Variants in GSDMB observed in about 807,000 individuals in gnomAD.
The protein encoded by GSDMB is gasdermin B.
GSDMB carries 32 observed loss-of-function variants against 42.9 expected under a neutral mutation model. The observed-to-expected ratio is 0.75, with a 90% confidence interval of 0.56 to 1.00. The LOEUF (loss-of-function observed/expected upper bound fraction) is 1.00. Ranked by LOEUF, GSDMB falls within the 50% of genes least tolerant of loss-of-function variation. The probability of loss-of-function intolerance (pLI) is 0.00; values close to 1 mark genes in which losing one functional copy is unlikely to be tolerated. For missense variants in GSDMB, 468 were observed against 498.5 expected (o/e 0.94, Z 0.58); for synonymous variants, 175 against 193.7 (o/e 0.90, Z 0.80).
chr17:39,906,620 G>A, intron 7 of GSDMB: 1 of 1,305,734 alleles, frequency 7.7e-7, no homozygotes, highest in Non-Finnish European at 9.7e-7. Flanking sequence ...GAAAGTTAAA[G>A]CAGTGGTTCT....
rs777921039 is a variant in GSDMB at position 39,905,832 on chromosome 17, G to A, written c.1027+15C>T. The A allele has an allele frequency of 4.3e-6, 7 of 1,612,572 alleles. No individual in the cohort carries two copies. Among genetic ancestry groups the A allele is most frequent in the South Asian group, 1.1e-5 (1 of 91,008 alleles). On this transcript the variant is annotated intron_variant, in intron 9 of 10. Transcript: ENST00000418519. ...CACTTCCTCCACCCCAGCCTACAGC[G>A]AGACCCTTCCTCACCTAGCAGGGCA...
Position 39,907,106 on chromosome 17 carries a change from A to C in GSDMB, c.701-119T>G. On this transcript the variant is annotated intron_variant, in intron 6 of 10. Transcript: ENST00000418519. ...AATCTGAGCCCTCACTGCTGGTGCC[A>C]GGGAGCCTGCATCCTCACCAGCGTG... is the stretch of plus-strand genomic sequence containing the variant. The C allele has an allele frequency of 3.2e-6, 5 of 1,543,198 alleles. No homozygotes were observed. In the South Asian group the frequency reaches 6.1e-5, roughly 19 times the overall value.
At chr17:39,905,703 T>C in intron 9 of GSDMB, 144 bp downstream of exon 9, 1 of 1,018,490 alleles carries the variant, frequency 9.8e-7, no homozygotes, top group Non-Finnish European at 1.5e-6. Context: ...AGCCCCTCAA[T>C]GCCTGGCCTG....
intron 3 of GSDMB, among the ~76,000 whole-genome samples, chr17:39,911,335 A>C (rs1215987103): frequency 6.6e-6 from 1 of 151,440 alleles, no homozygotes; most frequent in African/African-American, 2.4e-5. Flanking sequence ...AAAAAAAAAA[A>C]AGGAAAAGGA....
Position 39,904,741 on chromosome 17 carries a change from T to A in GSDMB, c.*71A>T. ...GGTCCCACTGGTGACAGGATGGTAG[T>A]GGCGATGGCAGTGAGGACAGACTGG... On this transcript the variant is annotated 3_prime_UTR_variant, in exon 11 of 11. Coordinates refer to ENST00000418519, the MANE Select transcript of GSDMB (RefSeq NM_001165958.2). 2.4e-6 allele frequency: 3 copies of A among 1,268,178 alleles called. No individual in the cohort carries two copies. The highest frequency in any genetic ancestry group is 3.4e-6 in the Non-Finnish European group (3 of 886,816). The allele number at this position is 1,268,178 out of a possible 1,614,324, so 78.6% of individuals were successfully genotyped here.
intron 10 of GSDMB, 62 bp downstream of exon 10, chr17:39,905,364 C>A: frequency 1.7e-6 from 2 of 1,147,488 alleles, no homozygotes; most frequent in South Asian, 2.6e-5. Context: ...ACTTCTGGGT[C>A]CCTTGAGAAT....
chr17:39,906,600 A>G, intron 7 of GSDMB: 1 of 1,306,794 alleles, frequency 7.7e-7, no homozygotes, highest in East Asian at 3.1e-5. Flanking sequence ...AGAAGTAATT[A>G]GGATTTGGAG....
rs915275644 is a variant in GSDMB at position 39,904,745 on chromosome 17, G to A, written c.*67C>T. On this transcript the variant is annotated 3_prime_UTR_variant, in exon 11 of 11. Coordinates refer to ENST00000418519, the MANE Select transcript of GSDMB (RefSeq NM_001165958.2). ...CCACTGGTGACAGGATGGTAGTGGC[G>A]ATGGCAGTGAGGACAGACTGGTAAA... The A allele has an allele frequency of 1.2e-5, 16 of 1,327,502 alleles. No individual in the cohort carries two copies. Among genetic ancestry groups the A allele is most frequent in the Non-Finnish European group, 1.6e-5 (15 of 937,662 alleles). 82.2% of individuals were successfully genotyped at this position (1,327,502 alleles called of 1,614,324 possible).
At chr17:39,916,680 G>A (rs1162193780) in intron 2 of GSDMB, among the ~76,000 whole-genome samples, 1 of 152,138 alleles carries the variant, frequency 6.6e-6, no homozygotes, top group Non-Finnish European at 1.5e-5. Context: ...AGGTTACGCA[G>A]CTGATAAGAG....
At position 39,904,657 on chromosome 17, in the gene GSDMB, G is replaced by C. The variant is rs1377449055; in HGVS notation, c.*155C>G. On this transcript the variant is annotated 3_prime_UTR_variant, in exon 11 of 11. Transcript: ENST00000418519. ...ATGTATGAAATCCAGGCTGGTTTTG[G>C]ATGTTAACATGGAGCGAATGGGATA... The C allele has an allele frequency of 5.1e-6, 3 of 584,198 alleles. No individual in the cohort carries two copies. The highest frequency in any genetic ancestry group is 2.9e-5 in the East Asian group (1 of 34,300). The allele number at this position is 584,198 out of a possible 1,614,324, so 36.2% of individuals were successfully genotyped here.
intron 1 of GSDMB, chr17:39,917,606 T>C (rs1568107804): frequency 1.6e-5 from 6 of 382,132 alleles, no homozygotes; most frequent in South Asian, 9.5e-5. Flanking sequence ...CTTAAGAAGG[T>C]ACTTTGTAAT....
intron 2 of GSDMB, among the ~76,000 whole-genome samples, chr17:39,916,157 T>C (rs1415429622): frequency 6.6e-6 from 1 of 152,092 alleles, no homozygotes; most frequent in African/African-American, 2.4e-5. Context: ...CCCTTCAGTC[T>C]TGATAGCCAA....
intron 3 of GSDMB, among the ~76,000 whole-genome samples, chr17:39,912,038 G>A (rs1338640159): frequency 6.6e-6 from 1 of 152,058 alleles, no homozygotes; most frequent in African/African-American, 2.4e-5. Flanking sequence ...GAGTGAATTG[G>A]GGGCATCAGA....
chr17:39,906,999 G>A lies in GSDMB; in HGVS notation c.701-12C>T. 6.2e-7 allele frequency: 1 copy of A among 1,613,824 alleles called. No individual in the cohort carries two copies. ...AGCACCATCCTTCTCTGCAGAGAGA[G>A]GAAGAGTTATTTCAGAATCTTCAGA... On this transcript the variant is annotated splice_polypyrimidine_tract_variant and intron_variant, in intron 6 of 10. Transcript: ENST00000418519.
intron 7 of GSDMB, chr17:39,906,692 C>A: frequency 8.4e-7 from 1 of 1,184,698 alleles, no homozygotes; most frequent in Middle Eastern, 3.1e-4. Context: ...CCAGGCCACA[C>A]CCCCACAATT....
chr17:39,916,054 G>C (rs187249730), intron 2 of GSDMB, among the ~76,000 whole-genome samples: 1 of 152,210 alleles, frequency 6.6e-6, no homozygotes, highest in Non-Finnish European at 1.5e-5. Context: ...AAGTACCCCA[G>C]GAATAACTGA....
At chr17:39,912,253 G>T in intron 3 of GSDMB, 73 bp downstream of exon 3, 2 of 1,037,828 alleles carry the variant, frequency 1.9e-6, no homozygotes, top group Non-Finnish European at 1.4e-6. Flanking sequence ...GAGCCGGTCT[G>T]CCACCCTTGA....
intron 2 of GSDMB, among the ~76,000 whole-genome samples, chr17:39,916,280 ATT>A (rs3076832): frequency 7.6e-5 from 9 of 119,102 alleles, no homozygotes; most frequent in Non-Finnish European, 5.0e-5. Flanking sequence ...TTCTCATTTG[ATT>A]TTTTTTTTTT....
rs774326364 is a variant in GSDMB at position 39,909,016 on chromosome 17, T to C, written c.603A>G (p.Pro201=). 1 of 1,602,422 alleles carries C rather than the reference T, an allele frequency of 6.2e-7. No individual in the cohort carries two copies. Among genetic ancestry groups the C allele is most frequent in the Non-Finnish European group, 8.5e-7 (1 of 1,175,156 alleles). ...HKGQREVTIP[P]NRVLSYRVKQ... is the part of the protein sequence containing the mutation. ...TTACTCGATAGCTCAGGACCCGATTTGGGGGGATGGTCACTTCCCTTTGGC... is the reference window on the plus strand; with the variant it reads ...TTACTCGATAGCTCAGGACCCGATTCGGGGGGATGGTCACTTCCCTTTGGC... The change falls in exon 5 of 11, where the codon CCA becomes CCG. Residue 201 remains proline (P), a synonymous_variant. Coordinates refer to ENST00000418519, the MANE Select transcript of GSDMB (RefSeq NM_001165958.2).
Sources: allele counts gnomAD v4.1 joint callset (sites outside exome capture counted in the v4.1 genomes callset), GRCh38; gene constraint gnomAD v4.1.1; transcripts MANE v1.5; gene names NCBI Gene and HGNC (gene_info 2026-07-23, HGNC 2026-07-21).